Variants in SLC38A6 observed in about 807,000 individuals in gnomAD.
SLC38A6 encodes solute carrier family 38 member 6.
Under a neutral mutation model 65.0 loss-of-function variants are expected in SLC38A6, and 73 were observed. The ratio of observed to expected loss-of-function variants is 1.12; its 90% confidence interval spans 0.93 to 1.37. The LOEUF (loss-of-function observed/expected upper bound fraction) is 1.37, where lower values mean the gene tolerates loss of function less well. Ranked by LOEUF, SLC38A6 falls within the 40% of genes most tolerant of loss-of-function variation. SLC38A6 has a pLI of 0.00. For missense variants in SLC38A6, 561 were observed against 531.1 expected (o/e 1.06, Z -0.55); for synonymous variants, 183 against 178.8 (o/e 1.02, Z -0.19).
At chr14:61,006,752 G>T (rs1448513845) in intron 3 of SLC38A6, among the ~76,000 whole-genome samples, 1 of 152,190 alleles carries the variant, frequency 6.6e-6, no homozygotes, top group East Asian at 1.9e-4. Flanking sequence ...AACCATTGTG[G>T]AAGTCAGTGT....
chr14:61,050,865 G>A (rs1408028126), intron 13 of SLC38A6, among the ~76,000 whole-genome samples: 3 of 152,008 alleles, frequency 2.0e-5, no homozygotes, highest in South Asian at 2.1e-4. Flanking sequence ...TTAGATTTAC[G>A]TTCTCCCACA....
At chr14:61,018,915 C>T (rs1432780712) in intron 4 of SLC38A6, among the ~76,000 whole-genome samples, 1 of 152,178 alleles carries the variant, frequency 6.6e-6, no homozygotes, top group Admixed American at 6.5e-5. Context: ...CTGAGTAGCA[C>T]CTGCCCCATT....
chr14:61,019,601 T>C lies in SLC38A6; in HGVS notation c.403+21T>C, dbSNP rs779264775. The C allele has an allele frequency of 1.2e-6, 2 of 1,609,858 alleles. 1 individual carries two copies. Among genetic ancestry groups the C allele is most frequent in the South Asian group, 2.2e-5 (2 of 90,914 alleles). On this transcript the variant is annotated intron_variant, in intron 5 of 15. Coordinates refer to ENST00000267488, the MANE Select transcript of SLC38A6 (RefSeq NM_153811.3). ...TGGAGGTAAGCAATTGCAAGTGCAC[T>C]GTTTATACATAAATGTGATGGCAAT...
In SLC38A6 at chr14:60,981,290, T is replaced by G. The variant is rs1239068164; in HGVS notation, c.13T>G (p.Trp5Gly). The G allele has an allele frequency of 2.5e-6, 4 of 1,606,580 alleles. No individual in the cohort carries two copies. The African/African-American group carries it at 5.3e-5, about 21-fold the overall frequency. The stretch of plus-strand genomic sequence containing the variant: ...GCTGGAGAGCAGCATGGAGGCGTCC[T>G]GGGGGAGCTTCAACGCTGAGCGGGG... MEAS[W>G]GSFNAERGWY... The change falls in exon 1 of 16, where the codon TGG (tryptophan) becomes GGG (glycine). Residue 5 changes from tryptophan (W) to glycine (G), a missense_variant. Coordinates refer to ENST00000267488, the MANE Select transcript of SLC38A6 (RefSeq NM_153811.3).
chr14:61,039,796 A>C (rs2041672768), intron 8 of SLC38A6, among the ~76,000 whole-genome samples: 1 of 152,078 alleles, frequency 6.6e-6, no homozygotes, highest in Admixed American at 6.6e-5. Context: ...TATTCTTGTC[A>C]ATATGTGTTT....
chr14:61,053,273 A>C (rs1253432465), downstream of SLC38A6, among the ~76,000 whole-genome samples: 2 of 152,050 alleles, frequency 1.3e-5, no homozygotes, highest in Non-Finnish European at 2.9e-5. Flanking sequence ...CCAGTCTGTC[A>C]TTGATGGGTA....
At chr14:61,045,562 A>G (rs2042087999) in intron 11 of SLC38A6, 137 bp downstream of exon 11, 2 of 640,662 alleles carry the variant, frequency 3.1e-6, no homozygotes, top group Non-Finnish European at 5.2e-6. Context: ...AAACAAAACA[A>G]ACAAGAGTTA....
intron 3 of SLC38A6, among the ~76,000 whole-genome samples, chr14:61,008,093 A>T (rs985360745): frequency 6.6e-6 from 1 of 152,214 alleles, no homozygotes; most frequent in Non-Finnish European, 1.5e-5. Flanking sequence ...TTATTAAAGC[A>T]TAAAGTTTGC....
At chr14:61,061,149 A>C (rs7155381) in intron 15 of SLC38A6, among the ~76,000 whole-genome samples, 134,654 of 152,172 alleles carry the variant, frequency 0.88, 60,268 homozygotes, top group Non-Finnish European at 0.96. Flanking sequence ...CTCCTCCCCC[A>C]AGTGTTGAAT....
At chr14:61,046,307 C>G (rs2139819021) in intron 12 of SLC38A6, 140 bp downstream of exon 12, 1 of 476,686 alleles carries the variant, frequency 2.1e-6, no homozygotes. Flanking sequence ...ACTGTGGTGG[C>G]TCTTGAGGCC....
rs770573739 is a variant in SLC38A6 at position 61,048,181 on chromosome 14, A to G, written c.925+2014A>G. 2.3e-4 allele frequency: 105 copies of G among 452,758 alleles called. 2 individuals are homozygous for G. Among genetic ancestry groups the G allele is most frequent in the South Asian group, 1.4e-3 (90 of 63,690 alleles). The allele number at this position is 452,758 out of a possible 1,614,324, so 28.0% of individuals were successfully genotyped here. On this transcript the variant is annotated intron_variant, in intron 12 of 15. Coordinates refer to ENST00000267488, the MANE Select transcript of SLC38A6 (RefSeq NM_153811.3). ...CAGGAGCTTTGTGTCATAGGAAGAA[A>G]TTGCTGGTTGAACCTGAGATCTTAT...
rs1305067041 is a variant in SLC38A6 at position 60,981,342 on chromosome 14, A to G, written c.65A>G (p.Glu22Gly). 2.5e-6 allele frequency: 4 copies of G among 1,610,400 alleles called. No homozygotes were observed. The highest frequency in any genetic ancestry group is 3.4e-6 in the Non-Finnish European group (4 of 1,178,572). Residue 22 changes from glutamate (E) to glycine (G), a missense_variant, in exon 1 of 16, where the codon GAA becomes GGA. Transcript: ENST00000267488. ...TGGTATGTCTCTGTCCAGCAGCCTGAAGAAGCGGAGGCCGAAGAGTTGAGT... is the reference window on the plus strand; with the variant it reads ...TGGTATGTCTCTGTCCAGCAGCCTGGAGAAGCGGAGGCCGAAGAGTTGAGT... ...RGWYVSVQQP[E>G]EAEAEELSPL... is the part of the protein sequence containing the mutation.
At position 61,020,313 on chromosome 14, in the gene SLC38A6, GA is replaced by G. The variant is rs536877750; in HGVS notation, c.403+737del. Among the ~76,000 whole-genome samples the G allele has an allele frequency of 3.3e-3, 501 of 152,100 alleles. 3 individuals are homozygous for G. The highest frequency in any genetic ancestry group is 3.6e-3 in the Non-Finnish European group (246 of 67,944). ...GAGTGCTAAATAAATGCTCTTAAAGGAAAATACACAGAAAAGTTTGACATGT... is the reference window on the plus strand; with the variant it reads ...GAGTGCTAAATAAATGCTCTTAAAGGAAATACACAGAAAAGTTTGACATGT... On this transcript the variant is annotated intron_variant, in intron 5 of 15. Coordinates refer to ENST00000267488, the MANE Select transcript of SLC38A6 (RefSeq NM_153811.3).
chr14:61,027,163 A>G (rs1476333962), intron 5 of SLC38A6, among the ~76,000 whole-genome samples: 1 of 152,108 alleles, frequency 6.6e-6, no homozygotes, highest in African/African-American at 2.4e-5. Context: ...ATTTTTTCCC[A>G]GAGAAGTTTC....
chr14:60,998,532 A>T lies in SLC38A6; in HGVS notation c.310+13729A>T, dbSNP rs1301619011. Among the ~76,000 whole-genome samples the T allele has an allele frequency of 2.0e-5, 3 of 152,058 alleles. No individual in the cohort carries two copies. The East Asian group carries it at 5.8e-4, about 29-fold the overall frequency. On this transcript the variant is annotated intron_variant, in intron 3 of 15. Transcript: ENST00000267488. ...CATCTCACTGAGAGCCACCTCCATC[A>T]CCTAATACAATTCCCACATTCACCA...
intron 3 of SLC38A6, among the ~76,000 whole-genome samples, chr14:61,007,333 T>TAAAAG (rs1380384418): frequency 2.7e-5 from 4 of 150,602 alleles, no homozygotes; most frequent in East Asian, 2.0e-4. Context: ...TAAAATAAAA[T>TAAAAG]AAAATAAAAG....
At chr14:61,032,896 G>A (rs1233016693) in intron 6 of SLC38A6, among the ~76,000 whole-genome samples, 1 of 151,746 alleles carries the variant, frequency 6.6e-6, no homozygotes, top group Non-Finnish European at 1.5e-5. Context: ...GATCTTTCAG[G>A]TATGCTAATT....
intron 1 of SLC38A6, 39 bp downstream of exon 1, chr14:60,981,421 C>CG (rs2037007934): frequency 6.4e-7 from 1 of 1,555,454 alleles, no homozygotes; most frequent in East Asian, 2.4e-5. Flanking sequence ...CTGACGCCCT[C>CG]CGGCTTCCCT....
intron 9 of SLC38A6, 75 bp downstream of exon 9, chr14:61,043,287 T>G: frequency 8.6e-7 from 1 of 1,162,694 alleles, no homozygotes; most frequent in Admixed American, 2.5e-5. Flanking sequence ...TAATGATTCT[T>G]TTCTGATTGA....
Sources: allele counts gnomAD v4.1 joint callset (sites outside exome capture counted in the v4.1 genomes callset), GRCh38; gene constraint gnomAD v4.1.1; transcripts MANE v1.5; gene names NCBI Gene and HGNC (gene_info 2026-07-23, HGNC 2026-07-21).